Variants in INPP5A observed in about 807,000 individuals in gnomAD.
INPP5A encodes the protein 43 kDa inositol polyphosphate 5-phophatase.
INPP5A carries 14 observed loss-of-function variants against 65.2 expected under a neutral mutation model. The ratio of observed to expected loss-of-function variants is 0.21; its 90% CI spans 0.14 to 0.34. INPP5A has a LOEUF of 0.34. Ranked by LOEUF, INPP5A falls within the 10% of genes least tolerant of loss-of-function variation. INPP5A has a pLI of 1.00. For missense variants in INPP5A, 431 were observed against 545.6 expected (o/e 0.79, Z 2.09); for synonymous variants, 207 against 208.3 (o/e 0.99, Z 0.05).
intron 4 of INPP5A, among the ~76,000 whole-genome samples, chr10:132,660,753 G>A (rs2072725022): frequency 6.6e-6 from 1 of 152,212 alleles, no homozygotes; most frequent in Admixed American, 6.5e-5. Flanking sequence ...CAGAGTTCAG[G>A]GAGAGAGGTG....
intron 1 of INPP5A, among the ~76,000 whole-genome samples, chr10:132,606,372 C>T (rs1191069913): frequency 6.6e-6 from 1 of 152,154 alleles, no homozygotes; most frequent in Non-Finnish European, 1.5e-5. Context: ...ATGGCCTCCC[C>T]TCCTGCTGGG....
At chr10:132,763,702 T>A (rs1043916896) in intron 11 of INPP5A, among the ~76,000 whole-genome samples, 1 of 149,138 alleles carries the variant, frequency 6.7e-6, no homozygotes, top group Non-Finnish European at 1.5e-5. Context: ...AACACACACA[T>A]GCCTGTGTAT....
intron 9 of INPP5A, among the ~76,000 whole-genome samples, chr10:132,742,950 C>T (rs1431708168): frequency 2.0e-5 from 3 of 152,208 alleles, no homozygotes; most frequent in Non-Finnish European, 2.9e-5. Flanking sequence ...GGCTGAAATT[C>T]GACCCAGCCG....
chr10:132,598,449 A>G (rs1465743428), intron 1 of INPP5A, among the ~76,000 whole-genome samples: 1 of 152,196 alleles, frequency 6.6e-6, no homozygotes, highest in Non-Finnish European at 1.5e-5. Flanking sequence ...TTCTGTCTCC[A>G]TGAATCTGAT....
intron 2 of INPP5A, among the ~76,000 whole-genome samples, chr10:132,632,472 C>T (rs965550562): frequency 6.6e-6 from 1 of 152,180 alleles, no homozygotes; most frequent in African/African-American, 2.4e-5. Context: ...TCACAGCGAC[C>T]GTCTCAGGAA....
intron 11 of INPP5A, among the ~76,000 whole-genome samples, chr10:132,760,116 C>T (rs1055657766): frequency 6.6e-6 from 1 of 152,236 alleles, no homozygotes; most frequent in Non-Finnish European, 1.5e-5. Context: ...CGGCCAAGAG[C>T]TCCAGCTACT....
chr10:132,646,313 T>C (rs1317356788), intron 3 of INPP5A, among the ~76,000 whole-genome samples: 3 of 152,186 alleles, frequency 2.0e-5, no homozygotes, highest in East Asian at 1.9e-4. Flanking sequence ...CACATCCCAC[T>C]GCGCAGTCTG....
At chr10:132,723,332 C>A (rs1197185220) in intron 8 of INPP5A, among the ~76,000 whole-genome samples, 1 of 152,354 alleles carries the variant, frequency 6.6e-6, no homozygotes, top group Admixed American at 6.5e-5. Context: ...CCTCTCTCTC[C>A]GCACTGGGGA....
intron 1 of INPP5A, among the ~76,000 whole-genome samples, chr10:132,590,174 C>G (rs2814449): frequency 0.25 from 38,054 of 152,070 alleles, 5,531 homozygotes; most frequent in East Asian, 0.5. Context: ...GCCAGGGATG[C>G]GGCCTCCTGC....
chr10:132,723,631 T>C (rs1244320441), intron 8 of INPP5A, among the ~76,000 whole-genome samples: 39 of 129,792 alleles, frequency 3.0e-4, no homozygotes, highest in Admixed American at 5.3e-4. Context: ...GGGGATTGGT[T>C]TTGTGGGGAT....
rs1465689281 is a variant in INPP5A, at chr10:132,704,070, G to A, written c.475-4243G>A. ...ACGCAGCTTCACCCGCATGGGTTCT[G>A]AAGGCTTGGCCTGATCTCTGCTGCA... On this transcript the variant is annotated intron_variant, in intron 6 of 15. Coordinates refer to ENST00000368594, the MANE Select transcript of INPP5A (RefSeq NM_005539.5). This position sits in a 1 kb window ranked among gnomAD's most constrained non-coding sequence, Gnocchi z 4.5. Among the ~76,000 whole-genome samples, 1 of 151,436 alleles carries A rather than the reference G, an allele frequency of 6.6e-6. No individual in the cohort carries two copies. Among genetic ancestry groups the A allele is most frequent in the African/African-American group, 2.4e-5 (1 of 41,156 alleles).
Position 132,739,535 on chromosome 10 carries a change from G to A in INPP5A, c.733-9982G>A, listed in dbSNP as rs1324012532. ...GCCTGTGTGCTAATAGGTCCTAGTA[G>A]CCACCAGCATACTTGGGGGTGGTGG... On this transcript the variant is annotated intron_variant, in intron 9 of 15. Transcript: ENST00000368594. Among the ~76,000 whole-genome samples the A allele has an allele frequency of 2.0e-5, 3 of 152,228 alleles. No individual in the cohort carries two copies. The East Asian group carries it at 5.8e-4, about 29-fold the overall frequency.
chr10:132,560,060 C>T (rs928730533), intron 1 of INPP5A, among the ~76,000 whole-genome samples: 6 of 147,932 alleles, frequency 4.1e-5, no homozygotes, highest in African/African-American at 1.0e-4. Context: ...CCAGCTCTTT[C>T]GGGTGTAGAC....
chr10:132,646,526 G>A (rs1006375473), intron 3 of INPP5A, among the ~76,000 whole-genome samples: 2 of 152,136 alleles, frequency 1.3e-5, no homozygotes, highest in African/African-American at 4.8e-5. Context: ...GGGCAGGCAG[G>A]CTTGTGTTCA....
chr10:132,761,525 G>T (rs1466897374), intron 11 of INPP5A, among the ~76,000 whole-genome samples: 1 of 151,722 alleles, frequency 6.6e-6, no homozygotes, highest in Non-Finnish European at 1.5e-5. Flanking sequence ...GGAGGAGCCT[G>T]GGGGTGCCAC....
intron 11 of INPP5A, among the ~76,000 whole-genome samples, chr10:132,759,404 T>G (rs979741772): frequency 6.6e-6 from 1 of 152,248 alleles, no homozygotes; most frequent in Non-Finnish European, 1.5e-5. Flanking sequence ...CCGTGGCTTC[T>G]GCCTCAGGAA....
At chr10:132,735,587 TG>T (rs2134604738) in intron 9 of INPP5A, among the ~76,000 whole-genome samples, 1 of 152,346 alleles carries the variant, frequency 6.6e-6, no homozygotes, top group South Asian at 2.1e-4. Flanking sequence ...AGCCCATCCT[TG>T]CCCCCTCGGT....
chr10:132,643,567 A>G (rs955383562), intron 2 of INPP5A, among the ~76,000 whole-genome samples: 1 of 152,228 alleles, frequency 6.6e-6, no homozygotes, highest in Non-Finnish European at 1.5e-5. Flanking sequence ...TTGTCTTAGG[A>G]CGGGCAGCTT....
chr10:132,643,677 G>A (rs143211051), intron 2 of INPP5A, among the ~76,000 whole-genome samples: 22 of 152,316 alleles, frequency 1.4e-4, no homozygotes, highest in African/African-American at 4.3e-4. Flanking sequence ...GTCTGAGGAT[G>A]CTGTGAGTTA....
Sources: gnomAD v4.1 joint callset for allele counts (sites outside exome capture counted in the v4.1 genomes callset) on GRCh38, gnomAD v4.1.1 for gene constraint, Gnocchi (gnomAD v3.1) non-coding constraint, MANE v1.5 for transcripts, NCBI Gene and HGNC (gene_info 2026-07-23, HGNC 2026-07-21) for gene names.